SPATA1: variants seen among roughly 807,000 people sequenced by gnomAD.
The protein encoded by SPATA1 is spermatogenesis associated 1, also known as spermatogenesis-associated protein 1.
SPATA1 carries 57 observed loss-of-function variants against 59.6 expected under a neutral mutation model. That is an observed-to-expected ratio of 0.96 (90% CI 0.77 to 1.19). The LOEUF (loss-of-function observed/expected upper bound fraction) is 1.19, where lower values mean the gene tolerates loss of function less well. Among genes scored for constraint, SPATA1 ranks in the 50% most tolerant of loss-of-function variants. The pLI is 0.00. For missense variants in SPATA1, 448 were observed against 480.7 expected, an observed-to-expected ratio of 0.93 and a Z score of 0.64; for synonymous variants, 147 against 163.9, an observed-to-expected ratio of 0.90 and a Z score of 0.79.
At chr1:84,535,214 C>A (rs2101977961) in intron 8 of SPATA1, among the ~76,000 whole-genome samples, 1 of 152,180 alleles carries the variant, frequency 6.6e-6, no homozygotes, top group East Asian at 1.9e-4. Context: ...AATCCTTACG[C>A]CAATACCACA....
At chr1:84,555,275 G>T, downstream of SPATA1, 3 of 1,144,976 alleles carry the variant, frequency 2.6e-6, no homozygotes, top group South Asian at 3.0e-5. Flanking sequence ...AAAAATAAAA[G>T]AAGTATACAG....
At chr1:84,548,904 A>C in exon 11 of SPATA1, 13 of 1,608,110 alleles carry the variant, frequency 8.1e-6, no homozygotes, top group Non-Finnish European at 1.1e-5. Flanking sequence ...TGCTCATGCA[A>C]CTTGAAGCCA....
At chr1:84,560,093 AAAAAAAAG>A (rs1246729082) in intron 4 of SPATA1, among the ~76,000 whole-genome samples, 98 of 131,122 alleles carry the variant, frequency 7.5e-4, no homozygotes, top group Admixed American at 1.1e-3. Flanking sequence ...CAAAAAAAAA[AAAAAAAAG>A]AAAGAAAGAA....
At chr1:84,517,183 G>A (rs1196670963) in intron 2 of SPATA1, among the ~76,000 whole-genome samples, 1 of 152,004 alleles carries the variant, frequency 6.6e-6, no homozygotes, top group East Asian at 1.9e-4. Context: ...CATAGGCTTC[G>A]CTAGGCTTCT....
rs1192266811 is a variant in SPATA1, at chr1:84,532,988, AT to A, written c.659+15del. 5 of 1,497,362 alleles carry A rather than the reference AT, an allele frequency of 3.3e-6. No individual in the cohort carries two copies. The highest frequency in any genetic ancestry group is 4.5e-6 in the Non-Finnish European group (5 of 1,100,148). The allele number at this position is 1,497,362 out of a possible 1,614,324, so 92.8% of individuals were successfully genotyped here. On this transcript the variant is annotated intron_variant, in intron 7 of 12. Coordinates refer to ENST00000490879, the Ensembl canonical transcript of SPATA1. ...CACTAAAAAAAGGTAATTAGTATAG[AT>A]GCTGATTCCACATGCCATAATCTAA...
At chr1:84,535,461 CT>C (rs1228642784) in intron 8 of SPATA1, among the ~76,000 whole-genome samples, 2 of 152,232 alleles carry the variant, frequency 1.3e-5, no homozygotes, top group East Asian at 3.9e-4. Context: ...ACTTAATCTT[CT>C]AATCTGTGAA....
chr1:84,533,787 T>C, intron 8 of SPATA1, 21 bp downstream of exon 8: 1 of 1,482,556 alleles, frequency 6.7e-7, no homozygotes, highest in Non-Finnish European at 9.2e-7. Flanking sequence ...AAATTTTTTG[T>C]TTAAACATGG....
chr1:84,525,362 G>A (rs1327816104), intron 4 of SPATA1, among the ~76,000 whole-genome samples: 1 of 152,140 alleles, frequency 6.6e-6, no homozygotes, highest in East Asian at 1.9e-4. Context: ...TGGACTTTGG[G>A]GTCAGATGAC....
chr1:84,513,225 TC>T (rs1231040587), intron 1 of SPATA1, among the ~76,000 whole-genome samples: 2 of 152,232 alleles, frequency 1.3e-5, no homozygotes, highest in Non-Finnish European at 2.9e-5. Context: ...ACCCTCCGTC[TC>T]CCGGGTTCAG....
At chr1:84,565,358 T>G (rs908575007) in intron 4 of SPATA1, among the ~76,000 whole-genome samples, 1 of 152,214 alleles carries the variant, frequency 6.6e-6, no homozygotes, top group East Asian at 1.9e-4. Context: ...GAATATAATT[T>G]TTAATTTATC....
intron 4 of SPATA1, among the ~76,000 whole-genome samples, chr1:84,522,826 A>G (rs1683079942): frequency 6.6e-6 from 1 of 152,196 alleles, no homozygotes; most frequent in Non-Finnish European, 1.5e-5. Context: ...GTTCTGGGAA[A>G]AAATGGGGTT....
chr1:84,511,209 C>A (rs1330994454), intron 1 of SPATA1, among the ~76,000 whole-genome samples: 2 of 151,996 alleles, frequency 1.3e-5, no homozygotes, highest in Non-Finnish European at 2.9e-5. Context: ...CCCTATTTAC[C>A]CTGATGTGCT....
chr1:84,556,642 A>T (rs1458031202), downstream of SPATA1, among the ~76,000 whole-genome samples: 1 of 148,086 alleles, frequency 6.8e-6, no homozygotes, highest in South Asian at 2.2e-4. Flanking sequence ...AACCCAGGAG[A>T]CGGAGGTTGC....
downstream of SPATA1, chr1:84,554,812 C>CT (rs1279873869): frequency 7.7e-6 from 4 of 517,160 alleles, no homozygotes; most frequent in African/African-American, 7.7e-5. Flanking sequence ...TGCTTCTTGC[C>CT]TTTATGTTCC....
At chr1:84,560,433 A>G (rs1240201457) in intron 4 of SPATA1, among the ~76,000 whole-genome samples, 2 of 152,172 alleles carry the variant, frequency 1.3e-5, no homozygotes, top group Admixed American at 1.3e-4. Flanking sequence ...CTTTATTCTG[A>G]TCACAGTTCT....
chr1:84,519,367 T>C (rs749655655), intron 2 of SPATA1, among the ~76,000 whole-genome samples: 28 of 152,028 alleles, frequency 1.8e-4, no homozygotes, highest in Non-Finnish European at 4.1e-4. Flanking sequence ...TAAAATAATA[T>C]TGTCAGATTT....
At chr1:84,557,055 T>C (rs938303691), downstream of SPATA1, among the ~76,000 whole-genome samples, 1 of 150,130 alleles carries the variant, frequency 6.7e-6, no homozygotes, top group Non-Finnish European at 1.5e-5. Context: ...TGTCTCAAAA[T>C]TGTAAAGGAA....
In SPATA1 at chr1:84,517,815, C is replaced by T. The variant is rs114858004; in HGVS notation, c.36+1420C>T. 2.1e-3 allele frequency among the ~76,000 whole-genome samples: 319 copies of T among 152,202 alleles called. 1 individual carries two copies. The highest frequency in any genetic ancestry group is 3.9e-3 in the Non-Finnish European group (264 of 67,978). ...TAACCTTTACTGCTAGCACGTGAGT[C>T]ACCATTGTCTCAGACTGTAATTATT... On this transcript the variant is annotated intron_variant, in intron 2 of 12. Coordinates refer to ENST00000490879, the Ensembl canonical transcript of SPATA1.
At chr1:84,554,746 A>C, downstream of SPATA1, 1 of 316,910 alleles carries the variant, frequency 3.2e-6, no homozygotes, top group Non-Finnish European at 5.8e-6. Context: ...ATTTTTCCCA[A>C]TTAAATTATA....
Sources: gnomAD v4.1 joint callset for allele counts (sites outside exome capture counted in the v4.1 genomes callset) on GRCh38, gnomAD v4.1.1 for gene constraint, MANE v1.5 for transcripts, NCBI Gene and HGNC (gene_info 2026-07-23, HGNC 2026-07-21) for gene names.